LUC7L2: variants seen among roughly 807,000 people sequenced by gnomAD.
LUC7L2 encodes the protein putative RNA-binding protein Luc7-like 2.
In LUC7L2, 25 loss-of-function variants were observed where a neutral mutation model predicts 52.8. The ratio of observed to expected loss-of-function variants is 0.47; its 90% CI spans 0.34 to 0.66. The LOEUF is 0.66. LUC7L2 is among the 30% of genes least tolerant of loss of function. The pLI is 0.01. For synonymous variants in LUC7L2, 144 were observed against 160.9 expected (o/e 0.89, Z 0.80); for missense variants, 328 against 497.8 (o/e 0.66, Z 3.25).
At chr7:139,409,757 G>A (rs563892832) in intron 7 of LUC7L2, 103 bp downstream of exon 7, 24 of 1,391,562 alleles carry the variant, frequency 1.7e-5, no homozygotes, top group East Asian at 5.2e-5. Context: ...GTTATGGGAC[G>A]TGGGAAACTT....
intron 8 of LUC7L2, chr7:139,412,825 T>TAA (rs10593094): frequency 3.8e-4 from 47 of 122,460 alleles, no homozygotes; most frequent in South Asian, 1.1e-3. Flanking sequence ...ACTCTGTCTT[T>TAA]AAAAAAAAAA....
intron 2 of LUC7L2, among the ~76,000 whole-genome samples, chr7:139,377,031 T>C (rs1232853334): frequency 6.6e-6 from 1 of 152,168 alleles, no homozygotes; most frequent in African/African-American, 2.4e-5. Flanking sequence ...GGAAACACCT[T>C]TGACTTTTTC....
chr7:139,350,079 T>C (rs143589914), intron 1 of LUC7L2, among the ~76,000 whole-genome samples: 347 of 152,306 alleles, frequency 2.3e-3, no homozygotes, highest in Non-Finnish European at 3.6e-3. Flanking sequence ...TGCAGTCTTT[T>C]GAGGCAGCTT....
chr7:139,353,184 A>G (rs1055704504), intron 1 of LUC7L2, among the ~76,000 whole-genome samples: 2 of 152,176 alleles, frequency 1.3e-5, no homozygotes, highest in Admixed American at 1.3e-4. Context: ...GTGACAGAGC[A>G]AGACTGTCCC....
chr7:139,379,755 A>AGGTT (rs1361837277), intron 2 of LUC7L2, among the ~76,000 whole-genome samples: 5 of 151,320 alleles, frequency 3.3e-5, no homozygotes, highest in African/African-American at 1.2e-4. Context: ...TAGTAGAGAC[A>AGGTT]GGGTTTCATC....
At chr7:139,391,316 A>C (rs1293622427) in intron 2 of LUC7L2, among the ~76,000 whole-genome samples, 3 of 152,200 alleles carry the variant, frequency 2.0e-5, no homozygotes, top group African/African-American at 7.2e-5. Context: ...GCTGTTCTGT[A>C]ATTTTGTTCA....
In LUC7L2 at chr7:139,422,569, A is replaced by G. The variant is rs538309628; in HGVS notation, c.*229A>G. 5 of 829,280 alleles carry G rather than the reference A, an allele frequency of 6.0e-6. No individual in the cohort carries two copies. Among genetic ancestry groups the G allele is most frequent in the South Asian group, 5.5e-5 (1 of 18,196 alleles). 51.4% of individuals were successfully genotyped at this position (829,280 alleles called of 1,614,324 possible). A position where few individuals can be genotyped will look rare whatever the true frequency, so the allele number is the denominator to read the frequency against. On this transcript the variant is annotated 3_prime_UTR_variant, in exon 10 of 10. Transcript: ENST00000354926. The stretch of plus-strand genomic sequence containing the variant: ...AATACAGTTCTGAAAGTACAGTTTT[A>G]TATAATAAGATGCTGATCTCTTTAT...
chr7:139,413,140 C>G (rs1038955324), intron 8 of LUC7L2, among the ~76,000 whole-genome samples: 4 of 152,170 alleles, frequency 2.6e-5, no homozygotes, highest in African/African-American at 7.2e-5. Context: ...CTTAAAAGAG[C>G]AAGACAATAC....
chr7:139,412,417 T>G (rs1179185106), intron 7 of LUC7L2, 134 bp from the exon 8 acceptor site: 18 of 1,084,992 alleles, frequency 1.7e-5, no homozygotes, highest in Non-Finnish European at 2.3e-5. Context: ...TTGGAAAATT[T>G]TGTGTGCGTA....
chr7:139,375,325 T>G (rs1800654271), intron 1 of LUC7L2: 7 of 985,418 alleles, frequency 7.1e-6, no homozygotes, highest in Non-Finnish European at 8.4e-6. Context: ...AATTTAAATA[T>G]ACCCAGTTTG....
intron 1 of LUC7L2, among the ~76,000 whole-genome samples, chr7:139,364,687 A>G (rs1159249451): frequency 6.6e-6 from 1 of 152,240 alleles, no homozygotes; most frequent in Non-Finnish European, 1.5e-5. Flanking sequence ...GGTTAGTAGT[A>G]CATAACCGTG....
intron 1 of LUC7L2, among the ~76,000 whole-genome samples, chr7:139,350,277 A>G (rs988377311): frequency 1.4e-4 from 21 of 151,834 alleles, no homozygotes; most frequent in African/African-American, 4.8e-4. Flanking sequence ...GCCCGCCACC[A>G]CGCCCGGCTA....
chr7:139,416,750 A>G (rs1325106344), intron 8 of LUC7L2: 1 of 152,098 alleles, frequency 6.6e-6, no homozygotes, highest in African/African-American at 2.4e-5. Flanking sequence ...GTGGGCATTA[A>G]AAACTTACTT....
At position 139,422,430 on chromosome 7, in the gene LUC7L2, G is replaced by C. The variant is rs1211142955; in HGVS notation, c.*90G>C. ...CAGCTGTTCAGGGTGACAGTGAGCA[G>C]ATCCAGACACCAGATCCAGCTAGGC... On this transcript the variant is annotated 3_prime_UTR_variant, in exon 10 of 10. Coordinates refer to ENST00000354926, the MANE Select transcript of LUC7L2 (RefSeq NM_016019.5). The C allele has an allele frequency of 1.3e-6, 2 of 1,498,506 alleles. No individual in the cohort carries two copies. Among genetic ancestry groups the C allele is most frequent in the African/African-American group, 2.8e-5 (2 of 71,572 alleles). 92.8% of individuals were successfully genotyped at this position (1,498,506 alleles called of 1,614,324 possible).
rs762656293 is a variant in LUC7L2, at chr7:139,412,548, T to TA, written c.780-2dup. On this transcript the variant is annotated splice_region_variant and splice_polypyrimidine_tract_variant and intron_variant, in intron 7 of 9. Transcript: ENST00000354926. ...TCTAAAAATACATATTTTTTTTTTT[T>TA]AGGTCCCGATCACACAGCAAGAATC... The TA allele has an allele frequency of 9.4e-6, 15 of 1,602,356 alleles. No homozygotes were observed. In the East Asian group the frequency reaches 3.4e-4, roughly 36 times the overall value.
chr7:139,385,311 C>CTTTT (rs58744665), intron 2 of LUC7L2, among the ~76,000 whole-genome samples: 3 of 118,594 alleles, frequency 2.5e-5, no homozygotes, highest in South Asian at 2.9e-4. Flanking sequence ...GTTAGGATTA[C>CTTTT]TTTTTTTTTT....
In LUC7L2 at chr7:139,409,667, G is replaced by A. The variant is rs746660721; in HGVS notation, c.779+13G>A. ...AGAAGCTGAGGAGGTATGGAGTAAT[G>A]GGCCAAGTAATTGAAGTTGAATCTC... On this transcript the variant is annotated intron_variant, in intron 7 of 9. Transcript: ENST00000354926. 103 of 1,582,226 alleles carry A rather than the reference G, an allele frequency of 6.5e-5. No homozygotes were observed. Among genetic ancestry groups the A allele is most frequent in the Non-Finnish European group, 8.5e-5 (99 of 1,167,894 alleles).
At chr7:139,397,747 G>C (rs906397732) in intron 2 of LUC7L2, among the ~76,000 whole-genome samples, 4 of 152,158 alleles carry the variant, frequency 2.6e-5, no homozygotes, top group Non-Finnish European at 5.9e-5. Context: ...AAAATGGATA[G>C]ATTTTTAGAT....
At chr7:139,405,984 C>T (rs1265354215) in intron 5 of LUC7L2, among the ~76,000 whole-genome samples, 197 bp downstream of exon 5, 1 of 152,178 alleles carries the variant, frequency 6.6e-6, no homozygotes, top group African/African-American at 2.4e-5. Context: ...TGTGGTGGTG[C>T]GTGCCTTTGG....
Sources: allele counts gnomAD v4.1 joint callset (sites outside exome capture counted in the v4.1 genomes callset), GRCh38; gene constraint gnomAD v4.1.1; transcripts MANE v1.5; gene names NCBI Gene and HGNC (gene_info 2026-07-23, HGNC 2026-07-21).